ROBO1: variants seen among roughly 807,000 people sequenced by gnomAD.
The protein encoded by ROBO1 is roundabout guidance receptor 1.
In ROBO1, 149 loss-of-function variants were observed where a neutral mutation model predicts 195.9. The ratio of observed to expected loss-of-function variants is 0.76; its 90% CI spans 0.67 to 0.87. The LOEUF (loss-of-function observed/expected upper bound fraction) is 0.87, where lower values mean the gene tolerates loss of function less well. Ranked by LOEUF, ROBO1 falls within the 40% of genes least tolerant of loss-of-function variation. The probability of loss-of-function intolerance (pLI) is 0.00; values close to 1 mark genes in which losing one functional copy is unlikely to be tolerated. For missense variants in ROBO1, 1,933 were observed against 2,068.3 expected, an observed-to-expected ratio of 0.93 and a Z score of 1.27; for synonymous variants, 816 against 733.2, an observed-to-expected ratio of 1.11 and a Z score of -1.82.
intron 5 of ROBO1, among the ~76,000 whole-genome samples, chr3:78,722,761 C>A (rs2082073472): frequency 6.6e-6 from 1 of 152,080 alleles, no homozygotes; most frequent in Non-Finnish European, 1.5e-5. Context: ...TGAGCACGGG[C>A]TCTGGAGTCA....
intron 2 of ROBO1, among the ~76,000 whole-genome samples, chr3:79,443,812 T>A (rs2039140694): frequency 6.6e-6 from 1 of 151,912 alleles, no homozygotes; most frequent in Non-Finnish European, 1.5e-5. Flanking sequence ...AAAACTGACC[T>A]ATAGAATGAG....
intron 2 of ROBO1, among the ~76,000 whole-genome samples, chr3:79,373,860 A>ACATC (rs1192239993): frequency 6.6e-6 from 1 of 152,150 alleles, no homozygotes; most frequent in East Asian, 1.9e-4. Context: ...TGGATTTAAA[A>ACATC]CATCCCTTGG....
intron 1 of ROBO1, among the ~76,000 whole-genome samples, chr3:79,699,891 G>T (rs1230623238): frequency 6.6e-6 from 1 of 151,532 alleles, no homozygotes; most frequent in African/African-American, 2.4e-5. Context: ...TGTCATATGG[G>T]TTTATTACAT....
At chr3:78,702,504 GA>G (rs1184129157) in intron 8 of ROBO1, among the ~76,000 whole-genome samples, 1 of 152,160 alleles carries the variant, frequency 6.6e-6, no homozygotes, top group Non-Finnish European at 1.5e-5. Context: ...CACATTGAAT[GA>G]TACTAACTCT....
intron 3 of ROBO1, among the ~76,000 whole-genome samples, chr3:79,074,944 C>A (rs1206966674): frequency 6.6e-6 from 1 of 151,698 alleles, no homozygotes; most frequent in African/African-American, 2.4e-5. Flanking sequence ...TTAAAAGTAA[C>A]AATGCATATG....
chr3:78,708,849 C>A (rs1438705175), intron 8 of ROBO1, among the ~76,000 whole-genome samples: 1 of 152,172 alleles, frequency 6.6e-6, no homozygotes, highest in Non-Finnish European at 1.5e-5. Flanking sequence ...AACACCACTT[C>A]AGTGAATAAT....
intron 10 of ROBO1, among the ~76,000 whole-genome samples, chr3:78,684,456 G>C (rs2081005112): frequency 6.6e-6 from 1 of 152,072 alleles, no homozygotes; most frequent in Admixed American, 6.6e-5. Context: ...GATCGGAGTG[G>C]TCACGACATG....
intron 2 of ROBO1, among the ~76,000 whole-genome samples, chr3:79,294,653 T>C (rs1326443483): frequency 6.6e-6 from 1 of 151,888 alleles, no homozygotes; most frequent in Non-Finnish European, 1.5e-5. Flanking sequence ...ATCATAAGGG[T>C]GAACAGGCAA....
intron 10 of ROBO1, 135 bp from the exon 11 acceptor site, chr3:78,670,436 A>G: frequency 1.5e-6 from 1 of 687,670 alleles, no homozygotes; most frequent in South Asian, 1.9e-5. Context: ...GCAGACATGC[A>G]TTATTCAAAA....
At chr3:79,126,726 G>A (rs2080222624) in intron 2 of ROBO1, among the ~76,000 whole-genome samples, 1 of 152,202 alleles carries the variant, frequency 6.6e-6, no homozygotes, top group Non-Finnish European at 1.5e-5. Context: ...TTGGGGAACA[G>A]TGTGTCACTT....
intron 1 of ROBO1, among the ~76,000 whole-genome samples, chr3:79,693,996 G>T (rs1947370635): frequency 6.6e-6 from 1 of 151,362 alleles, no homozygotes; most frequent in Non-Finnish European, 1.5e-5. Context: ...GAATTTACGT[G>T]TTAACTTAAA....
At chr3:79,446,377 G>A (rs1247227345) in intron 2 of ROBO1, among the ~76,000 whole-genome samples, 1 of 152,130 alleles carries the variant, frequency 6.6e-6, no homozygotes, top group Non-Finnish European at 1.5e-5. Flanking sequence ...AGGTTATTAT[G>A]CAACATGTTT....
At chr3:78,887,956 A>G (rs1372314501) in intron 4 of ROBO1, among the ~76,000 whole-genome samples, 2 of 152,212 alleles carry the variant, frequency 1.3e-5, no homozygotes, top group Non-Finnish European at 2.9e-5. Context: ...AAAAAAAGAA[A>G]AAAAACCTTT....
chr3:78,887,452 A>C (rs1309021796), intron 4 of ROBO1, among the ~76,000 whole-genome samples: 3 of 152,338 alleles, frequency 2.0e-5, no homozygotes, highest in South Asian at 2.1e-4. Flanking sequence ...AAATTTAAGA[A>C]GATTTCCCAG....
chr3:78,899,450 TG>T (rs1167674068), intron 4 of ROBO1, among the ~76,000 whole-genome samples: 3 of 152,208 alleles, frequency 2.0e-5, no homozygotes, highest in African/African-American at 7.2e-5. Flanking sequence ...AGAGGATGCA[TG>T]GTTATGCCAC....
At chr3:78,682,262 A>G (rs1223553353) in intron 10 of ROBO1, among the ~76,000 whole-genome samples, 1 of 151,906 alleles carries the variant, frequency 6.6e-6, no homozygotes, top group African/African-American at 2.4e-5. Context: ...ATGTATAAAT[A>G]CTGAAGGAAA....
chr3:79,187,622 C>A (rs2081464734), intron 2 of ROBO1, among the ~76,000 whole-genome samples: 2 of 151,890 alleles, frequency 1.3e-5, no homozygotes, highest in Admixed American at 6.6e-5. Context: ...CAAAACCGAT[C>A]CAGAAAACAG....
intron 10 of ROBO1, among the ~76,000 whole-genome samples, chr3:78,677,583 T>C (rs578159132): frequency 6.3e-4 from 95 of 151,660 alleles, no homozygotes; most frequent in African/African-American, 2.2e-3. Context: ...AAGAAGGCCA[T>C]TACATAATGG....
intron 4 of ROBO1, among the ~76,000 whole-genome samples, chr3:78,930,240 G>A (rs1411801196): frequency 6.6e-6 from 1 of 152,132 alleles, no homozygotes; most frequent in Non-Finnish European, 1.5e-5. Flanking sequence ...CATCACACAG[G>A]AAGTAAAATA....
Sources: allele counts gnomAD v4.1 joint callset (sites outside exome capture counted in the v4.1 genomes callset), GRCh38; gene constraint gnomAD v4.1.1; transcripts MANE v1.5; gene names NCBI Gene and HGNC (gene_info 2026-07-23, HGNC 2026-07-21).